Variants in LIPE observed in about 807,000 individuals in gnomAD.
LIPE encodes hormone-sensitive lipase.
Under a neutral mutation model 88.5 loss-of-function variants are expected in LIPE, and 66 were observed. The observed-to-expected ratio is 0.75, with a 90% CI of 0.61 to 0.91. The LOEUF (loss-of-function observed/expected upper bound fraction) is 0.91, where lower values mean the gene tolerates loss of function less well. Among genes scored for constraint, LIPE ranks in the 40% least tolerant of loss-of-function variants. LIPE has a pLI of 0.00. For synonymous variants in LIPE, 570 were observed against 617.5 expected, an observed-to-expected ratio of 0.92 and a Z score of 1.14; for missense variants, 1,346 against 1,434.7, an observed-to-expected ratio of 0.94 and a Z score of 1.00.
At chr19:42,425,631 G>A (rs550278483) in intron 1 of LIPE, among the ~76,000 whole-genome samples, 106 of 152,200 alleles carry the variant, frequency 7.0e-4, no homozygotes, top group African/African-American at 2.4e-3. Context: ...GGGCAACATA[G>A]CGAGGCCACG....
At chr19:42,404,235 G>C (rs1460829334) in intron 8 of LIPE, among the ~76,000 whole-genome samples, 1 of 140,656 alleles carries the variant, frequency 7.1e-6, no homozygotes, top group African/African-American at 2.6e-5. Context: ...GCTACTTTTT[G>C]TATTTTTTTT....
At chr19:42,404,454 C>A (rs956737546) in intron 8 of LIPE, among the ~76,000 whole-genome samples, 1 of 152,154 alleles carries the variant, frequency 6.6e-6, no homozygotes, top group East Asian at 1.9e-4. Flanking sequence ...TGGTCTCAAA[C>A]TCCTGACCTC....
chr19:42,426,786 C>A lies in LIPE; in HGVS notation c.364G>T (p.Glu122Ter). Residue 122 changes from glutamate to a stop codon, truncating the protein, a stop_gained, in exon 1 of 10, where the codon GAA (glutamate) becomes TAA (stop). Transcript: ENST00000244289. LOFTEE classifies it high-confidence loss of function. ...GCTGGCTCCTGTTGAGTTATAGATT[C>A]TTTTCCTAGCCCAGGTCCCTGCTGG... ...ASQQGPGLGK[E>*]SITQQEPALR... 6.2e-7 allele frequency: 1 copy of A among 1,614,120 alleles called. No individual in the cohort carries two copies. Among genetic ancestry groups the A allele is most frequent in the Non-Finnish European group, 8.5e-7 (1 of 1,180,020 alleles).
chr19:42,407,606 C>T lies in LIPE; in HGVS notation c.1842G>A (p.Gln614=). ...RLISYDLREG[Q]DSEELSSLIK... ...TCCCTGGCTGAGGCTGGAACCCTAC[C>T]TGTCCTTCACGCAGGTCATAGGAGA... Residue 614 remains glutamine, a splice_region_variant and synonymous_variant, in exon 5 of 10, where the codon CAG becomes CAA. Coordinates refer to ENST00000244289, the MANE Select transcript of LIPE (RefSeq NM_005357.4). The surrounding 1 kb of genome is among the most constrained non-coding windows in gnomAD (Gnocchi z 5.8). 6.2e-7 allele frequency: 1 copy of T among 1,605,274 alleles called. No individual in the cohort carries two copies.
chr19:42,423,192 C>T, intron 1 of LIPE: 1 of 305,258 alleles, frequency 3.3e-6, no homozygotes, highest in South Asian at 2.3e-5. Context: ...GGACTCTGCT[C>T]CCAAGCCGAT....
Position 42,426,399 on chromosome 19 carries a change from C to A in LIPE, c.751G>T (p.Gly251Cys), listed in dbSNP as rs1302124746. 1 of 1,614,064 alleles carries A rather than the reference C, an allele frequency of 6.2e-7. No individual in the cohort carries two copies. Among genetic ancestry groups the A allele is most frequent in the Non-Finnish European group, 8.5e-7 (1 of 1,179,998 alleles). Residue 251 changes from glycine (G) to cysteine (C), a missense_variant, in exon 1 of 10, where the codon GGT becomes TGT. Gly to Cys is a radical substitution (Grantham distance 159, BLOSUM62 -3). Transcript: ENST00000244289. ...SSDTDSPATM[G>C]GMVAQGVKLG... ...TTCACTCCCTGGGCCACCATTCCAC[C>A]CATCGTGGCTGGAGAATCTGTGTCT...
At chr19:42,405,971 C>CTG in intron 7 of LIPE, 190 bp downstream of exon 7, 1 of 570,512 alleles carries the variant, frequency 1.8e-6, no homozygotes, top group Non-Finnish European at 3.0e-6. Context: ...GTCTCTCTCT[C>CTG]TCTCTCACAC....
chr19:42,401,870 C>G lies in LIPE; in HGVS notation c.3173G>C (p.Gly1058Ala). 2 of 1,532,232 alleles carry G rather than the reference C, an allele frequency of 1.3e-6. No homozygotes were observed. Among genetic ancestry groups the G allele is most frequent in the South Asian group, 1.2e-5 (1 of 82,726 alleles). 94.9% of individuals were successfully genotyped at this position (1,532,232 alleles called of 1,614,324 possible). The part of the protein sequence containing the change: ...RLVLTPPAGA[G>A]PSGETGAAGV... ...CGCAGCCCCCGTCTCCCCGCTCGGC[C>G]CGGCTCCGGCGGGAGGAGTGAGGAC... The change falls in exon 10 of 10, where the codon GGG becomes GCG. Residue 1058 changes from glycine (G) to alanine (A), a missense_variant. Coordinates refer to ENST00000244289, the MANE Select transcript of LIPE (RefSeq NM_005357.4).
intron 7 of LIPE, 42 bp from the exon 8 acceptor site, chr19:42,405,603 T>G: frequency 6.3e-7 from 1 of 1,577,960 alleles, no homozygotes; most frequent in Non-Finnish European, 8.6e-7. Context: ...TTCCCCTTTC[T>G]GGGCCCAGTT....
chr19:42,410,770 A>G lies in LIPE; in HGVS notation c.956T>C (p.Ile319Thr), dbSNP rs1419855904. 2 of 1,610,414 alleles carry G rather than the reference A, an allele frequency of 1.2e-6. No homozygotes were observed. The highest frequency in any genetic ancestry group is 1.3e-5 in the African/African-American group (1 of 74,968). Residue 319 changes from isoleucine to threonine, a missense_variant, in exon 2 of 10, where the codon ATA (isoleucine) becomes ACA (threonine). Ile to Thr is a moderately conservative substitution (Grantham distance 89). Transcript: ENST00000244289. This position sits in a 1 kb window ranked among gnomAD's most constrained non-coding sequence, Gnocchi z 6.1. ...QSLVTLAEDNIAFFSSQGPGE... is the reference protein window; with the variant it reads ...QSLVTLAEDNTAFFSSQGPGE... Reference sequence around the variant, plus strand: ...AGGACCCTGGCTCGAGAAGAAGGCTATGTTGTCCTCCGCCAGAGTCACCAG... The same window carrying G: ...AGGACCCTGGCTCGAGAAGAAGGCTGTGTTGTCCTCCGCCAGAGTCACCAG...
At chr19:42,423,677 C>G (rs1021147335) in intron 1 of LIPE, 61 of 1,149,684 alleles carry the variant, frequency 5.3e-5, no homozygotes, top group Non-Finnish European at 6.6e-5. Context: ...GCTCCCTAAC[C>G]AATTCTGGTC....
At chr19:42,412,455 G>A (rs1316348012) in intron 1 of LIPE, 10 of 985,912 alleles carry the variant, frequency 1.0e-5, no homozygotes, top group East Asian at 1.1e-4. Context: ...ACCCGGGGGC[G>A]GGGCTGGCCT....
chr19:42,402,506 CG>C, intron 9 of LIPE, 100 bp downstream of exon 9: 3 of 1,080,700 alleles, frequency 2.8e-6, no homozygotes, highest in Non-Finnish European at 3.8e-6. Flanking sequence ...CTCCCCACTC[CG>C]GAGCTCTTTT....
At position 42,409,018 on chromosome 19, in the gene LIPE, G is replaced by A. The variant is rs35333610; in HGVS notation, c.1420-696C>T. On this transcript the variant is annotated intron_variant, in intron 2 of 9. Transcript: ENST00000244289. ...CCAGTGCGGGGTGGTGCCACTGGTAGGCTGTGAGGTGGGGAGTAGGATGGT... is the reference window on the plus strand; with the variant it reads ...CCAGTGCGGGGTGGTGCCACTGGTAAGCTGTGAGGTGGGGAGTAGGATGGT... Among the ~76,000 whole-genome samples, 1,179 of 152,150 alleles carry A rather than the reference G, an allele frequency of 7.7e-3. 10 individuals carry two copies. Among genetic ancestry groups the A allele is most frequent in the Middle Eastern group, 0.027 (8 of 294 alleles).
Position 42,407,319 on chromosome 19 carries a change from C to A in LIPE, c.1992G>T (p.Glu664Asp). The A allele has an allele frequency of 6.2e-7, 1 of 1,611,852 alleles. No homozygotes were observed. Among genetic ancestry groups the A allele is most frequent in the Non-Finnish European group, 8.5e-7 (1 of 1,179,216 alleles). ...GFVAQTSRSH[E>D]PYLKSWAQEL... Reference sequence around the variant, plus strand: ...CCTGGGCCCAGCTCTTGAGGTAGGGCTCGTGGGATCTGGAGGTCTGGGCCA... The same window carrying A: ...CCTGGGCCCAGCTCTTGAGGTAGGGATCGTGGGATCTGGAGGTCTGGGCCA... Residue 664 changes from glutamate to aspartate, a missense_variant, in exon 6 of 10, where the codon GAG (glutamate) becomes GAT (aspartate). Physicochemically the swap from Glu to Asp is conservative, Grantham distance 45 (BLOSUM62 2). Coordinates refer to ENST00000244289, the MANE Select transcript of LIPE (RefSeq NM_005357.4). This position sits in a 1 kb window ranked among gnomAD's most constrained non-coding sequence, Gnocchi z 5.8.
chr19:42,422,088 T>C (rs1464493040), intron 1 of LIPE, among the ~76,000 whole-genome samples: 1 of 152,212 alleles, frequency 6.6e-6, no homozygotes, highest in Non-Finnish European at 1.5e-5. Flanking sequence ...CATACCAGGC[T>C]CTAGAAATAC....
In LIPE at chr19:42,426,725, C is replaced by T; in HGVS notation, c.425G>A (p.Gly142Glu). The change falls in exon 1 of 10, where the codon GGG (glycine) becomes GAG (glutamate). Residue 142 changes from glycine to glutamate, a missense_variant. Coordinates refer to ENST00000244289, the MANE Select transcript of LIPE (RefSeq NM_005357.4). The part of the protein sequence containing the change: ...RQRHVAQPGP[G>E]PGEPPPAQQE... Reference sequence around the variant, plus strand: ...TTGAGCTGGAGGTGGCTCTCCTGGCCCAGGCCCTGGCTGGGCTACATGTCT... The same window carrying T: ...TTGAGCTGGAGGTGGCTCTCCTGGCTCAGGCCCTGGCTGGGCTACATGTCT... The T allele has an allele frequency of 1.2e-6, 2 of 1,614,192 alleles. No homozygotes were observed. The highest frequency in any genetic ancestry group is 1.3e-5 in the African/African-American group (1 of 75,034).
At chr19:42,421,903 G>T (rs1411122495) in intron 1 of LIPE, among the ~76,000 whole-genome samples, 1 of 152,236 alleles carries the variant, frequency 6.6e-6, no homozygotes, top group Non-Finnish European at 1.5e-5. Context: ...GGCAAATCTT[G>T]GAGTTTGCAG....
Position 42,407,585 on chromosome 19 carries a change from T to G in LIPE, c.1842+21A>C. On this transcript the variant is annotated intron_variant, in intron 5 of 9. Transcript: ENST00000244289. This position sits in a 1 kb window ranked among gnomAD's most constrained non-coding sequence, Gnocchi z 5.8. Reference sequence around the variant, plus strand: ...CGCTCCTCGGCTCTGTCCCTGTCCCTGGCTGAGGCTGGAACCCTACCTGTC... The same window carrying G: ...CGCTCCTCGGCTCTGTCCCTGTCCCGGGCTGAGGCTGGAACCCTACCTGTC... 1 of 1,594,242 alleles carries G rather than the reference T, an allele frequency of 6.3e-7. No homozygotes were observed.
Sources: allele counts gnomAD v4.1 joint callset (sites outside exome capture counted in the v4.1 genomes callset), GRCh38; gene constraint gnomAD v4.1.1; non-coding constraint Gnocchi (gnomAD v3.1); transcripts MANE v1.5; gene names NCBI Gene and HGNC (gene_info 2026-07-23, HGNC 2026-07-21).